STAU2: variants seen among roughly 807,000 people sequenced by gnomAD.
STAU2 encodes the protein double-stranded RNA-binding protein Staufen homolog 2.
STAU2 carries 20 observed loss-of-function variants against 65.9 expected under a neutral mutation model. The ratio of observed to expected loss-of-function variants is 0.30; its 90% confidence interval spans 0.21 to 0.44. The LOEUF is 0.44. Among genes scored for constraint, STAU2 ranks in the 20% least tolerant of loss-of-function variants. The pLI, the probability that STAU2 is intolerant of heterozygous loss-of-function variation, is 1.00. For missense variants in STAU2, 558 were observed against 683.9 expected (o/e 0.82, Z 2.05); for synonymous variants, 232 against 233.9 (o/e 0.99, Z 0.07).
intron 13 of STAU2, among the ~76,000 whole-genome samples, chr8:73,481,697 C>A (rs1820643120): frequency 6.6e-6 from 1 of 151,912 alleles, no homozygotes; most frequent in Non-Finnish European, 1.5e-5. Context: ...GATTGTATTT[C>A]AAAAATATGG....
chr8:73,692,036 A>G (rs1819354311), intron 4 of STAU2, among the ~76,000 whole-genome samples: 1 of 152,144 alleles, frequency 6.6e-6, no homozygotes, highest in South Asian at 2.1e-4. Context: ...TGAGTTAATA[A>G]TCGATCATGC....
chr8:73,435,557 C>T (rs959441121), intron 13 of STAU2, among the ~76,000 whole-genome samples: 2 of 151,934 alleles, frequency 1.3e-5, no homozygotes, highest in African/African-American at 4.9e-5. Context: ...CAACCCCACC[C>T]TTGGGCTCTG....
chr8:73,591,868 G>A (rs186881001), intron 11 of STAU2, among the ~76,000 whole-genome samples: 38 of 103,074 alleles, frequency 3.7e-4, no homozygotes, highest in Admixed American at 1.3e-3. Context: ...CCCATACAGC[G>A]TGTATCCCAG....
At chr8:73,566,696 C>T (rs947199458) in intron 12 of STAU2, among the ~76,000 whole-genome samples, 1 of 152,076 alleles carries the variant, frequency 6.6e-6, no homozygotes, top group African/African-American at 2.4e-5. Flanking sequence ...TGTCTTTAGA[C>T]CCGTTATAAA....
intron 6 of STAU2, among the ~76,000 whole-genome samples, chr8:73,639,234 C>A (rs1300009167): frequency 6.6e-6 from 1 of 151,930 alleles, no homozygotes; most frequent in Non-Finnish European, 1.5e-5. Context: ...TGAAAATTTT[C>A]TTTAATAGTA....
intron 13 of STAU2, among the ~76,000 whole-genome samples, chr8:73,527,204 T>C (rs1805504351): frequency 6.6e-6 from 1 of 152,198 alleles, no homozygotes; most frequent in Admixed American, 6.5e-5. Context: ...GTATTTAGGT[T>C]TGTGTAAGTA....
intron 13 of STAU2, among the ~76,000 whole-genome samples, chr8:73,531,084 G>A (rs751429975): frequency 1.8e-4 from 27 of 152,156 alleles, no homozygotes; most frequent in Non-Finnish European, 2.6e-4. Flanking sequence ...CGTAAAGTGT[G>A]CAGGAAGGTG....
intron 3 of STAU2, among the ~76,000 whole-genome samples, chr8:73,737,865 C>G (rs1249198752): frequency 6.7e-6 from 1 of 150,216 alleles, no homozygotes; most frequent in African/African-American, 2.5e-5. Flanking sequence ...GCACTTCCTT[C>G]TAGTGTTTTT....
chr8:73,721,735 T>C (rs1414959081), intron 3 of STAU2, among the ~76,000 whole-genome samples: 1 of 152,206 alleles, frequency 6.6e-6, no homozygotes. Context: ...AAGTTGCTTT[T>C]GACTAGGTTA....
chr8:73,470,834 G>T (rs912326543), intron 13 of STAU2, among the ~76,000 whole-genome samples: 1 of 151,894 alleles, frequency 6.6e-6, no homozygotes, highest in African/African-American at 2.4e-5. Context: ...AAATAATAGA[G>T]ATAGTGGCAT....
chr8:73,690,327 T>G (rs1327978397), intron 4 of STAU2, among the ~76,000 whole-genome samples: 1 of 51,518 alleles, frequency 1.9e-5, no homozygotes, highest in East Asian at 9.2e-4. Context: ...AGACTCTGTC[T>G]CAAAAAAAAA....
At chr8:73,437,622 G>C (rs1192449738) in intron 13 of STAU2, among the ~76,000 whole-genome samples, 1 of 152,200 alleles carries the variant, frequency 6.6e-6, no homozygotes, top group Non-Finnish European at 1.5e-5. Flanking sequence ...TGTCACCACA[G>C]TCATGGAAAA....
rs1429187154 is a variant in STAU2, at chr8:73,591,900, A to G, written c.1161+3266T>C. Among the ~76,000 whole-genome samples, 816 of 145,324 alleles carry G rather than the reference A, an allele frequency of 5.6e-3. 28 individuals carry two copies. Among genetic ancestry groups the G allele is most frequent in the African/African-American group, 0.02 (781 of 39,130 alleles). ...CCAGAGGTAAAAAAAAAAAAAAAAA[A>G]AAAAAAAAAAAAAACAAGAGAGAGA... On this transcript the variant is annotated intron_variant, in intron 11 of 14. Transcript: ENST00000524300.
intron 5 of STAU2, among the ~76,000 whole-genome samples, chr8:73,687,421 A>G (rs1479422362): frequency 8.5e-6 from 1 of 118,176 alleles, no homozygotes; most frequent in African/African-American, 3.3e-5. Flanking sequence ...ATTAATTTAA[A>G]TATAAATATA....
intron 13 of STAU2, chr8:73,550,795 T>A: frequency 1.0e-6 from 1 of 987,372 alleles, no homozygotes; most frequent in Non-Finnish European, 1.2e-6. Flanking sequence ...AAGAGTCCAA[T>A]TAGAAACACT....
rs1335650903 is a variant in STAU2, at chr8:73,739,869, C to G, written c.-196-1G>C. ...CTAAAGTCCTTGTGGTAGGCAGCCT[C>G]TAACAAATAGAATATAGCAGAAATA... On this transcript the variant is annotated splice_acceptor_variant, in intron 1 of 14. Coordinates refer to ENST00000524300, the MANE Select transcript of STAU2 (RefSeq NM_001164380.2). LOFTEE classifies it low-confidence loss of function (5UTR_SPLICE). 1 of 1,048,508 alleles carries G rather than the reference C, an allele frequency of 9.5e-7. No homozygotes were observed. The highest frequency in any genetic ancestry group is 1.4e-6 in the Non-Finnish European group (1 of 703,832). The allele number at this position is 1,048,508 out of a possible 1,614,324, so 65.0% of individuals were successfully genotyped here.
Position 73,709,182 on chromosome 8 carries a change from A to G in STAU2, c.-17-20T>C, listed in dbSNP as rs1476530028. ...GAGAAGCTGTAAATAAAAAGGCTATAAAGTTTTTGTGAAGAATGACTTTAC... is the reference window on the plus strand; with the variant it reads ...GAGAAGCTGTAAATAAAAAGGCTATGAAGTTTTTGTGAAGAATGACTTTAC... On this transcript the variant is annotated intron_variant, in intron 3 of 14. Coordinates refer to ENST00000524300, the MANE Select transcript of STAU2 (RefSeq NM_001164380.2). The G allele has an allele frequency of 6.7e-7, 1 of 1,481,700 alleles. No homozygotes were observed. Among genetic ancestry groups the G allele is most frequent in the Admixed American group, 2.3e-5 (1 of 43,860 alleles). 91.8% of individuals were successfully genotyped at this position (1,481,700 alleles called of 1,614,324 possible). A position where few individuals can be genotyped will look rare whatever the true frequency, so the allele number is the denominator to read the frequency against.
rs562962412 is a variant in STAU2 at position 73,628,003 on chromosome 8, G to A, written c.411-10552C>T. ...AATATAGCATATCTGTGTACTGAGGGACAATTTTCAAATAGATATATATGT... is the reference window on the plus strand; with the variant it reads ...AATATAGCATATCTGTGTACTGAGGAACAATTTTCAAATAGATATATATGT... On this transcript the variant is annotated intron_variant, in intron 6 of 14. Coordinates refer to ENST00000524300, the MANE Select transcript of STAU2 (RefSeq NM_001164380.2). Among the ~76,000 whole-genome samples the A allele has an allele frequency of 3.3e-3, 497 of 151,930 alleles. 1 individual carries two copies. The highest frequency in any genetic ancestry group is 5.7e-3 in the Non-Finnish European group (390 of 67,982).
At chr8:73,521,597 T>A (rs771759183) in intron 13 of STAU2, among the ~76,000 whole-genome samples, 17 of 152,212 alleles carry the variant, frequency 1.1e-4, no homozygotes, top group Admixed American at 2.6e-4. Flanking sequence ...AAAATGGTGA[T>A]ACACATTCAG....
Sources: allele counts gnomAD v4.1 joint callset (sites outside exome capture counted in the v4.1 genomes callset), GRCh38; gene constraint gnomAD v4.1.1; transcripts MANE v1.5; gene names NCBI Gene and HGNC (gene_info 2026-07-23, HGNC 2026-07-21).